Variants in IL19 observed in about 807,000 individuals in gnomAD.
IL19 encodes interleukin 19, also known as interleukin-19.
A neutral mutation model predicts 19.5 loss-of-function variants in IL19; 15 were observed. The ratio of observed to expected loss-of-function variants is 0.77; its 90% CI spans 0.52 to 1.19. The LOEUF (loss-of-function observed/expected upper bound fraction) is 1.19, where lower values mean the gene tolerates loss of function less well. Ranked by LOEUF, IL19 falls within the 50% of genes most tolerant of loss-of-function variation. The pLI, the probability that IL19 is intolerant of heterozygous loss-of-function variation, is 0.00. For missense variants in IL19, 199 were observed against 213.1 expected, an observed-to-expected ratio of 0.93 and a Z score of 0.41; for synonymous variants, 78 against 78.3, an observed-to-expected ratio of 1.00 and a Z score of 0.02.
At position 206,781,371 on chromosome 1, in the gene IL19, C is replaced by T. The variant is rs1482720776; in HGVS notation, c.-149+10293C>T. Among the ~76,000 whole-genome samples the T allele has an allele frequency of 3.7e-5, 5 of 136,898 alleles. No homozygotes were observed. The East Asian group carries it at 6.6e-4, about 18-fold the overall frequency. 89.8% of individuals were successfully genotyped at this position (136,898 alleles called of 152,430 possible). A position where few individuals can be genotyped will look rare whatever the true frequency, so the allele number is the denominator to read the frequency against. ...CTGAGGCTGCAGTGAGCAGAGATCG[C>T]GCCACTGTGCTCCAGCCTGGGCGAC... On this transcript the variant is annotated intron_variant, in intron 1 of 6. Transcript: ENST00000659997.
chr1:206,790,996 T>A (rs1000199525), intron 1 of IL19, among the ~76,000 whole-genome samples: 1 of 152,344 alleles, frequency 6.6e-6, no homozygotes, highest in Middle Eastern at 3.4e-3. Context: ...TGTTGTGTGG[T>A]GCCTGTGTGT....
chr1:206,831,490 G>T (rs1468284238), intron 2 of IL19, among the ~76,000 whole-genome samples: 5 of 152,028 alleles, frequency 3.3e-5, no homozygotes, highest in Admixed American at 6.6e-5. Context: ...TTGATATTAG[G>T]GGTCAGGCAG....
chr1:206,785,660 G>C (rs1675254228), intron 1 of IL19, among the ~76,000 whole-genome samples: 1 of 152,222 alleles, frequency 6.6e-6, no homozygotes, highest in African/African-American at 2.4e-5. Context: ...AGCAGAGTGT[G>C]ACAGAAGTTG....
intron 2 of IL19, among the ~76,000 whole-genome samples, chr1:206,827,985 A>C (rs1371007880): frequency 6.6e-6 from 1 of 152,254 alleles, no homozygotes; most frequent in Non-Finnish European, 1.5e-5. Context: ...CAGACAATGC[A>C]TATGGATGCT....
chr1:206,773,124 G>T (rs372331832), intron 1 of IL19, among the ~76,000 whole-genome samples: 114 of 152,238 alleles, frequency 7.5e-4, no homozygotes, highest in South Asian at 1.7e-3. Context: ...GGATTCTCAG[G>T]CACATGTTTC....
At chr1:206,771,243 C>G in intron 1 of IL19, 165 bp downstream of exon 1, 1 of 1,193,078 alleles carries the variant, frequency 8.4e-7, no homozygotes, top group Non-Finnish European at 1.3e-6. Context: ...CATCTTCCCA[C>G]TTCTCCTTTT....
At chr1:206,841,428 C>T (rs942055979) in intron 6 of IL19, among the ~76,000 whole-genome samples, 8 of 152,302 alleles carry the variant, frequency 5.3e-5, no homozygotes, top group Admixed American at 3.3e-4. Context: ...GTTACCTGCA[C>T]GCCGTCACTG....
chr1:206,786,721 G>C (rs1467506464), intron 1 of IL19, among the ~76,000 whole-genome samples: 1 of 152,094 alleles, frequency 6.6e-6, no homozygotes, highest in Non-Finnish European at 1.5e-5. Flanking sequence ...TGTGGAAATG[G>C]TGCAAGGGAT....
chr1:206,772,397 C>T (rs1674878551), intron 1 of IL19: 1 of 1,614,002 alleles, frequency 6.2e-7, no homozygotes, highest in Non-Finnish European at 8.5e-7. Flanking sequence ...TCACCCCAGT[C>T]AGGAGGACCA....
chr1:206,790,364 C>T (rs1302040630), intron 1 of IL19, among the ~76,000 whole-genome samples: 1 of 152,100 alleles, frequency 6.6e-6, no homozygotes, highest in Non-Finnish European at 1.5e-5. Flanking sequence ...CCCCATGGCA[C>T]GTTCTGTTTC....
At chr1:206,808,342 C>CA (rs1675906581) in intron 2 of IL19, among the ~76,000 whole-genome samples, 1 of 152,070 alleles carries the variant, frequency 6.6e-6, no homozygotes, top group Non-Finnish European at 1.5e-5. Context: ...CAAAAATAAA[C>CA]AACAACAAAA....
chr1:206,795,193 A>G (rs1019874175), intron 1 of IL19, among the ~76,000 whole-genome samples: 1 of 152,206 alleles, frequency 6.6e-6, no homozygotes, highest in Non-Finnish European at 1.5e-5. Flanking sequence ...GGTACAGTTC[A>G]GCCTGACAAC....
chr1:206,799,445 A>C (rs996787982), intron 2 of IL19, among the ~76,000 whole-genome samples: 1 of 152,182 alleles, frequency 6.6e-6, no homozygotes, highest in Non-Finnish European at 1.5e-5. Context: ...GCTGCACGAC[A>C]CAGAGGGACT....
chr1:206,792,846 A>C (rs113787815), intron 1 of IL19, among the ~76,000 whole-genome samples: 73 of 152,196 alleles, frequency 4.8e-4, no homozygotes, highest in Non-Finnish European at 9.3e-4. Flanking sequence ...ACAGCTGATA[A>C]GTGTCAGAAC....
intron 2 of IL19, among the ~76,000 whole-genome samples, chr1:206,822,188 A>G (rs1411072800): frequency 2.0e-5 from 3 of 152,108 alleles, no homozygotes; most frequent in African/African-American, 7.2e-5. Context: ...CAGGGTCCTG[A>G]GTAAGAGGCT....
chr1:206,782,379 T>C (rs1675168011), intron 1 of IL19, among the ~76,000 whole-genome samples: 1 of 151,280 alleles, frequency 6.6e-6, no homozygotes, highest in Admixed American at 6.7e-5. Context: ...GGAAGACCTC[T>C]CAGGGTTTCT....
chr1:206,825,582 T>C (rs1312939772), intron 2 of IL19, among the ~76,000 whole-genome samples: 2 of 152,218 alleles, frequency 1.3e-5, no homozygotes, highest in African/African-American at 4.8e-5. Context: ...TTATGTTGGA[T>C]ACTGGGAGAG....
chr1:206,780,180 TTATG>T (rs1675098447), intron 1 of IL19, among the ~76,000 whole-genome samples: 2 of 152,214 alleles, frequency 1.3e-5, no homozygotes, highest in African/African-American at 4.8e-5. Context: ...TCTGTAGTAT[TTATG>T]TCAGTTTGTA....
At chr1:206,782,954 T>C (rs1675182424) in intron 1 of IL19, among the ~76,000 whole-genome samples, 1 of 152,182 alleles carries the variant, frequency 6.6e-6, no homozygotes, top group Non-Finnish European at 1.5e-5. Flanking sequence ...ACATTGAAAA[T>C]AAAAACAGAC....
Sources: allele counts gnomAD v4.1 joint callset (sites outside exome capture counted in the v4.1 genomes callset), GRCh38; gene constraint gnomAD v4.1.1; transcripts MANE v1.5; gene names NCBI Gene and HGNC (gene_info 2026-07-23, HGNC 2026-07-21).